The following DSG3 variants were observed in gnomAD, a reference collection of about 807,000 sequenced individuals.
DSG3 encodes the protein desmoglein-3.
Under a neutral mutation model 85.9 loss-of-function variants are expected in DSG3, and 63 were observed. The ratio of observed to expected loss-of-function variants is 0.73; its 90% CI spans 0.60 to 0.90. The LOEUF is 0.90. DSG3 is among the 40% of genes least tolerant of loss of function. The pLI is 0.00. For synonymous variants in DSG3, 447 were observed against 441.9 expected (o/e 1.01, Z -0.14); for missense variants, 1,220 against 1,219.9 (o/e 1.00, Z 0.00).
At chr18:31,463,010 C>A (rs886945018) in intron 8 of DSG3, among the ~76,000 whole-genome samples, 3 of 152,140 alleles carry the variant, frequency 2.0e-5, no homozygotes, top group Non-Finnish European at 4.4e-5. Context: ...AGCAGTGGGT[C>A]CTTAAGACTC....
intron 4 of DSG3, 110 bp from the exon 5 acceptor site, chr18:31,458,923 T>C: frequency 7.4e-7 from 1 of 1,354,420 alleles, no homozygotes; most frequent in South Asian, 1.3e-5. Context: ...GAAACATTTC[T>C]TCTTTGCACA....
intron 5 of DSG3, 49 bp downstream of exon 5, chr18:31,459,226 A>G: frequency 1.3e-6 from 2 of 1,526,876 alleles, no homozygotes; most frequent in Non-Finnish European, 1.8e-6. Flanking sequence ...ACTTTCAAAT[A>G]TGAGTCCCAC....
intron 7 of DSG3, 97 bp downstream of exon 7, chr18:31,461,058 T>C: frequency 1.5e-6 from 2 of 1,316,276 alleles, no homozygotes; most frequent in South Asian, 1.6e-5. Flanking sequence ...TTATTTAAGT[T>C]CTCTGCACTT....
At chr18:31,457,904 C>T (rs1325445021) in intron 3 of DSG3, among the ~76,000 whole-genome samples, 1 of 152,104 alleles carries the variant, frequency 6.6e-6, no homozygotes, top group Admixed American at 6.6e-5. Context: ...GCTTGGATTA[C>T]AGGCATGAGC....
chr18:31,459,862 C>G lies in DSG3; in HGVS notation c.535C>G (p.Leu179Val), dbSNP rs373672775. The G allele has an allele frequency of 9.0e-5, 145 of 1,613,806 alleles. No individual in the cohort carries two copies. The African/African-American group carries it at 1.8e-3, about 20-fold the overall frequency. Residue 179 changes from leucine (L) to valine (V), a missense_variant, in exon 6 of 16, where the codon CTA becomes GTA. Transcript: ENST00000257189. ...ATTCCTAGACTCACTGGTGATGATA[C>G]TAAATGCCACAGATGCAGATGAACC... ...NSASNSLVMI[L>V]NATDADEPNH...
chr18:31,457,577 CT>C lies in DSG3; in HGVS notation c.216+456del, dbSNP rs1444095940. The stretch of plus-strand genomic sequence containing the variant: ...TCTTTCTTTCTTTCTTTCTTTCTTT[CT>C]TTCTTTCTTCTTTCTTTCTTTCTTT... On this transcript the variant is annotated intron_variant, in intron 3 of 15. Coordinates refer to ENST00000257189, the MANE Select transcript of DSG3 (RefSeq NM_001944.3). Among the ~76,000 whole-genome samples the C allele has an allele frequency of 3.0e-3, 236 of 78,534 alleles. 1 individual carries two copies. Among genetic ancestry groups the C allele is most frequent in the East Asian group, 0.014 (46 of 3,326 alleles). 51.5% of individuals were successfully genotyped at this position (78,534 alleles called of 152,430 possible).
In DSG3 at chr18:31,472,414, T is replaced by A; in HGVS notation, c.2028T>A (p.Pro676=). The A allele has an allele frequency of 6.2e-7, 1 of 1,612,566 alleles. No individual in the cohort carries two copies. The highest frequency in any genetic ancestry group is 8.5e-7 in the Non-Finnish European group (1 of 1,179,638). The change falls in exon 13 of 16, where the codon CCT becomes CCA. Residue 676 remains proline (P), a synonymous_variant. Transcript: ENST00000257189. ...IHQWGIEGAH[P]EDKEITNICV... Reference sequence around the variant, plus strand: ...AGTGGGGAATTGAAGGAGCCCATCCTGAAGACAAGGTAAGCATCCAGTTCA... The same window carrying A: ...AGTGGGGAATTGAAGGAGCCCATCCAGAAGACAAGGTAAGCATCCAGTTCA...
rs747680630 is a variant in DSG3, at chr18:31,474,159, G to T, written c.2140G>T (p.Glu714Ter). ...TNTYARGTAV[E>*]GTSGMEMTTK... Reference sequence around the variant, plus strand: ...TACGTATGCCAGAGGCACAGCGGTGGAAGGCACTTCAGGAATGGAAATGAC... The same window carrying T: ...TACGTATGCCAGAGGCACAGCGGTGTAAGGCACTTCAGGAATGGAAATGAC... Residue 714 changes from glutamate to a stop codon, truncating the protein, a stop_gained, in exon 15 of 16, where the codon GAA becomes TAA. Transcript: ENST00000257189. LOFTEE classifies it high-confidence loss of function. 6.2e-7 allele frequency: 1 copy of T among 1,614,138 alleles called. No individual in the cohort carries two copies. The highest frequency in any genetic ancestry group is 1.1e-5 in the South Asian group (1 of 91,084).
At chr18:31,470,172 C>A (rs1200258349) in intron 12 of DSG3, among the ~76,000 whole-genome samples, 1 of 151,944 alleles carries the variant, frequency 6.6e-6, no homozygotes, top group East Asian at 1.9e-4. Flanking sequence ...CTTGTATAAA[C>A]AAGAGAAATC....
At position 31,461,374 on chromosome 18, in the gene DSG3, G is replaced by C. The variant is rs377262567; in HGVS notation, c.961G>C (p.Asp321His). The C allele has an allele frequency of 8.7e-6, 14 of 1,613,732 alleles. No homozygotes were observed. The highest frequency in any genetic ancestry group is 1.7e-4 in the Middle Eastern group (1 of 6,056). Residue 321 changes from aspartate to histidine, a missense_variant, in exon 8 of 16, where the codon GAT becomes CAT. Physicochemically the swap from Asp to His is moderately conservative, Grantham distance 81. Coordinates refer to ENST00000257189, the MANE Select transcript of DSG3 (RefSeq NM_001944.3). Reference protein sequence around the residue: ...NEGNWFEIQTDPRTNEGILKV... With the variant: ...NEGNWFEIQTHPRTNEGILKV... Reference sequence around the variant, plus strand: ...AGGAAATTGGTTTGAAATACAAACTGATCCTAGAACTAATGAAGGCATCCT... The same window carrying C: ...AGGAAATTGGTTTGAAATACAAACTCATCCTAGAACTAATGAAGGCATCCT...
chr18:31,472,262 G>A lies in DSG3; in HGVS notation c.1898-22G>A, dbSNP rs373541096. 82 of 1,613,706 alleles carry A rather than the reference G, an allele frequency of 5.1e-5. No individual in the cohort carries two copies. In the Middle Eastern group the frequency reaches 6.6e-4, roughly 13 times the overall value. Reference sequence around the variant, plus strand: ...TCCTAAATTAGTCAAGTGTTCTGATGTTTTGTTTTGTTTTTCACTAGTGGC... The same window carrying A: ...TCCTAAATTAGTCAAGTGTTCTGATATTTTGTTTTGTTTTTCACTAGTGGC... On this transcript the variant is annotated intron_variant, in intron 12 of 15. Coordinates refer to ENST00000257189, the MANE Select transcript of DSG3 (RefSeq NM_001944.3).
At chr18:31,449,966 A>G (rs1421758005) in intron 1 of DSG3, among the ~76,000 whole-genome samples, 1 of 152,230 alleles carries the variant, frequency 6.6e-6, no homozygotes, top group African/African-American at 2.4e-5. Flanking sequence ...ATATGTCAAT[A>G]ATTTTTTATG....
At chr18:31,457,865 A>C (rs1598777493) in intron 3 of DSG3, among the ~76,000 whole-genome samples, 1 of 151,936 alleles carries the variant, frequency 6.6e-6, no homozygotes, top group Non-Finnish European at 1.5e-5. Flanking sequence ...TTCTGACCTC[A>C]TGATCTGCCC....
rs555265757 is a variant in DSG3, at chr18:31,469,700, A to G, written c.1897+351A>G. Among the ~76,000 whole-genome samples, 6 of 152,250 alleles carry G rather than the reference A, an allele frequency of 3.9e-5. No homozygotes were observed. The South Asian group carries it at 6.2e-4, about 16-fold the overall frequency. On this transcript the variant is annotated intron_variant, in intron 12 of 15. Coordinates refer to ENST00000257189, the MANE Select transcript of DSG3 (RefSeq NM_001944.3). Reference sequence around the variant, plus strand: ...TGGCACTTTCTAAGATGTTTTCTCTATATTCATTACATCTCATGAGATTCT... The same window carrying G: ...TGGCACTTTCTAAGATGTTTTCTCTGTATTCATTACATCTCATGAGATTCT...
chr18:31,451,846 C>A (rs1021356596), intron 1 of DSG3, among the ~76,000 whole-genome samples: 1 of 152,174 alleles, frequency 6.6e-6, no homozygotes, highest in Non-Finnish European at 1.5e-5. Flanking sequence ...TTCTCACAAA[C>A]CTTTTAGCCT....
rs998915676 is a variant in DSG3 at position 31,477,584 on chromosome 18, A to AT, written c.*1330dup. Reference sequence around the variant, plus strand: ...GGAAAGGGAATTATGAGTAACCTCTATTTTTTAAGCCTTGCTTTTAAATTA... The same window carrying AT: ...GGAAAGGGAATTATGAGTAACCTCTATTTTTTTAAGCCTTGCTTTTAAATTA... On this transcript the variant is annotated 3_prime_UTR_variant, in exon 16 of 16. Transcript: ENST00000257189. The AT allele has an allele frequency of 3.9e-5, 6 of 152,210 alleles. No individual in the cohort carries two copies. The highest frequency in any genetic ancestry group is 1.2e-4 in the African/African-American group (5 of 41,460). The allele number at this position is 152,210 out of a possible 1,614,324, so 9.4% of individuals were successfully genotyped here.
In DSG3 at chr18:31,476,118, C is replaced by T. The variant is rs775051509; in HGVS notation, c.2858C>T (p.Pro953Leu). Residue 953 changes from proline to leucine, a missense_variant, in exon 16 of 16, where the codon CCA becomes CTA. Pro to Leu is a moderately conservative substitution (Grantham distance 98, BLOSUM62 -3). Transcript: ENST00000257189. ...CAACCTTCCACTGCAGGCTTTGATC[C>T]ACTTCTCACACAAAATGTGATAGTG... ...LVQPSTAGFD[P>L]LLTQNVIVTE... is the part of the protein sequence containing the mutation. 6 of 1,614,050 alleles carry T rather than the reference C, an allele frequency of 3.7e-6. No individual in the cohort carries two copies. In the East Asian group the frequency reaches 1.1e-4, roughly 30 times the overall value.
rs2072802711 is a variant in DSG3 at position 31,464,218 on chromosome 18, A to G, written c.1107A>G (p.Pro369=). ...CTCGATACCGAGTTCAGTCAACCCC[A>G]GTCACAATTCAGGTAATAAATGTAA... The part of the protein sequence containing the change: ...VISRYRVQST[P]VTIQVINVRE... Residue 369 remains proline, a synonymous_variant, in exon 9 of 16, where the codon CCA becomes CCG. Coordinates refer to ENST00000257189, the MANE Select transcript of DSG3 (RefSeq NM_001944.3). The G allele has an allele frequency of 6.2e-7, 1 of 1,614,054 alleles. No homozygotes were observed. The highest frequency in any genetic ancestry group is 1.7e-5 in the Admixed American group (1 of 60,010).
chr18:31,460,862 T>C lies in DSG3; in HGVS notation c.714T>C (p.Ser238=). 2 of 1,595,058 alleles carry C rather than the reference T, an allele frequency of 1.3e-6. No individual in the cohort carries two copies. The highest frequency in any genetic ancestry group is 1.7e-6 in the Non-Finnish European group (2 of 1,174,830). ...EQASSYRLVV[S]GADKDGEGLS... Reference sequence around the variant, plus strand: ...CTAGCAGCTATCGTCTGGTTGTGAGTGGTGCAGACAAAGATGGAGAAGGAC... The same window carrying C: ...CTAGCAGCTATCGTCTGGTTGTGAGCGGTGCAGACAAAGATGGAGAAGGAC... Residue 238 remains serine, a synonymous_variant, in exon 7 of 16, where the codon AGT becomes AGC. Transcript: ENST00000257189.
Sources: allele counts gnomAD v4.1 joint callset (sites outside exome capture counted in the v4.1 genomes callset), GRCh38; gene constraint gnomAD v4.1.1; transcripts MANE v1.5; gene names NCBI Gene and HGNC (gene_info 2026-07-23, HGNC 2026-07-21).